MARCHF3: variants seen among roughly 807,000 people sequenced by gnomAD.
The protein encoded by MARCHF3 is E3 ubiquitin-protein ligase MARCHF3.
MARCHF3 carries 13 observed loss-of-function variants against 24.2 expected under a neutral mutation model. The ratio of observed to expected loss-of-function variants is 0.54; its 90% CI spans 0.35 to 0.85. The LOEUF is 0.85. Among genes scored for constraint, MARCHF3 ranks in the 40% least tolerant of loss-of-function variants. The probability of loss-of-function intolerance (pLI) is 0.01; values close to 1 mark genes in which losing one functional copy is unlikely to be tolerated. For synonymous variants in MARCHF3, 144 were observed against 137.3 expected, an observed-to-expected ratio of 1.05 and a Z score of -0.34; for missense variants, 276 against 325.0, an observed-to-expected ratio of 0.85 and a Z score of 1.16.
intron 3 of MARCHF3, among the ~76,000 whole-genome samples, chr5:126,885,558 G>C (rs1051553713): frequency 6.6e-6 from 1 of 151,530 alleles, no homozygotes; most frequent in African/African-American, 2.4e-5. Context: ...CAAGAGTGTT[G>C]ATTTAAAAAA....
chr5:126,887,253 G>GA (rs202183510), intron 3 of MARCHF3, among the ~76,000 whole-genome samples: 27 of 148,692 alleles, frequency 1.8e-4, no homozygotes, highest in African/African-American at 3.0e-4. Context: ...TTTTGAATGG[G>GA]AAAAAAAAAA....
intron 1 of MARCHF3, among the ~76,000 whole-genome samples, chr5:127,007,476 T>A (rs1402303283): frequency 1.3e-5 from 2 of 152,074 alleles, no homozygotes; most frequent in Non-Finnish European, 2.9e-5. Context: ...TTTCTAATGG[T>A]GGTATCTTCA....
rs1383927692 is a variant in MARCHF3, at chr5:126,869,370, A to C, written c.*1263T>G. ...CCAGCCAGCGCTCTCCTCAGAAGAC[A>C]TCCGCTCCTGCCTCGGTGCGCGCAC... On this transcript the variant is annotated 3_prime_UTR_variant, in exon 5 of 5. Coordinates refer to ENST00000308660, the MANE Select transcript of MARCHF3 (RefSeq NM_178450.5). 6.6e-6 allele frequency: 1 copy of C among 152,156 alleles called. No homozygotes were observed. Among genetic ancestry groups the C allele is most frequent in the Non-Finnish European group, 1.5e-5 (1 of 68,026 alleles). The allele number at this position is 152,156 out of a possible 1,614,324, so 9.4% of individuals were successfully genotyped here.
intron 1 of MARCHF3, among the ~76,000 whole-genome samples, chr5:127,029,492 C>T (rs1402091480): frequency 6.6e-6 from 1 of 152,146 alleles, no homozygotes; most frequent in Non-Finnish European, 1.5e-5. Context: ...GCTTTTACCC[C>T]CTTACCATTA....
chr5:126,870,481 G>T lies in MARCHF3; in HGVS notation c.*152C>A. The T allele has an allele frequency of 1.7e-6, 1 of 592,874 alleles. No homozygotes were observed. Among genetic ancestry groups the T allele is most frequent in the South Asian group, 2.8e-5 (1 of 36,254 alleles). The allele number at this position is 592,874 out of a possible 1,614,324, so 36.7% of individuals were successfully genotyped here. ...CAGCATTTGCTTTCTTCTGGCGGAG[G>T]TTGTTGCTTGGAGTGATGTGCTAAT... On this transcript the variant is annotated 3_prime_UTR_variant, in exon 5 of 5. Transcript: ENST00000308660.
At chr5:126,877,971 T>G (rs1753218055) in intron 4 of MARCHF3, among the ~76,000 whole-genome samples, 1 of 152,176 alleles carries the variant, frequency 6.6e-6, no homozygotes, top group Non-Finnish European at 1.5e-5. Context: ...AAACTTTTTC[T>G]TTATGTGATC....
chr5:127,017,765 A>G (rs1260924541), intron 1 of MARCHF3, among the ~76,000 whole-genome samples: 1 of 152,244 alleles, frequency 6.6e-6, no homozygotes, highest in Non-Finnish European at 1.5e-5. Context: ...GCTTATATCA[A>G]AGAACTTTGA....
At chr5:126,920,179 A>AT (rs1281572198) in intron 1 of MARCHF3, among the ~76,000 whole-genome samples, 1 of 152,036 alleles carries the variant, frequency 6.6e-6, no homozygotes, top group Non-Finnish European at 1.5e-5. Flanking sequence ...TCTTCTTTTT[A>AT]TTTTTTTGAA....
chr5:126,994,262 C>CTACA (rs1430930020), intron 1 of MARCHF3, among the ~76,000 whole-genome samples: 3 of 152,114 alleles, frequency 2.0e-5, no homozygotes, highest in African/African-American at 7.2e-5. Flanking sequence ...ACTCAAAAGG[C>CTACA]TACATATGAT....
intron 1 of MARCHF3, among the ~76,000 whole-genome samples, chr5:126,965,021 T>TAA (rs56350286): frequency 9.7e-4 from 98 of 101,496 alleles, no homozygotes; most frequent in African/African-American, 2.3e-3. Context: ...ATGTTCTTAG[T>TAA]AAAAAAAAAA....
intron 1 of MARCHF3, among the ~76,000 whole-genome samples, chr5:126,947,320 C>T (rs1458404686): frequency 6.6e-6 from 1 of 152,208 alleles, no homozygotes; most frequent in Admixed American, 6.5e-5. Context: ...TTCCCCCTTT[C>T]CTCCTGATAA....
chr5:127,020,434 G>T (rs756097155), intron 1 of MARCHF3, among the ~76,000 whole-genome samples: 2 of 152,192 alleles, frequency 1.3e-5, no homozygotes, highest in African/African-American at 4.8e-5. Flanking sequence ...ATCTGTTATG[G>T]TCTAAATATT....
chr5:126,878,258 C>T lies in MARCHF3; in HGVS notation c.530G>A (p.Ser177Asn), dbSNP rs1397201661. The T allele has an allele frequency of 1.2e-6, 2 of 1,614,136 alleles. No individual in the cohort carries two copies. Among genetic ancestry groups the T allele is most frequent in the Admixed American group, 1.7e-5 (1 of 60,004 alleles). ...LRGAVDHLHF[S>N]SRLEAVGLIA... Reference sequence around the variant, plus strand: ...CAGTCCGACGGCTTCCAGCCGACTACTAAAGTGCAGGTGGTCCACGGCGCC... The same window carrying T: ...CAGTCCGACGGCTTCCAGCCGACTATTAAAGTGCAGGTGGTCCACGGCGCC... The change falls in exon 4 of 5, where the codon AGT (serine) becomes AAT (asparagine). Residue 177 changes from serine (S) to asparagine (N), a missense_variant. Ser to Asn is a conservative substitution (Grantham distance 46). Transcript: ENST00000308660.
chr5:126,978,109 T>G (rs1414432905), intron 1 of MARCHF3, among the ~76,000 whole-genome samples: 1 of 152,250 alleles, frequency 6.6e-6, no homozygotes. Context: ...GAGTATTGTA[T>G]GTTGGGAATC....
At chr5:126,984,440 C>T (rs548126419) in intron 1 of MARCHF3, among the ~76,000 whole-genome samples, 40 of 152,226 alleles carry the variant, frequency 2.6e-4, no homozygotes, top group African/African-American at 8.7e-4. Flanking sequence ...CAGGAGGTCA[C>T]GTCCCACAGG....
At chr5:126,929,866 T>C (rs1023217760) in intron 1 of MARCHF3, among the ~76,000 whole-genome samples, 2 of 152,210 alleles carry the variant, frequency 1.3e-5, no homozygotes, top group Admixed American at 1.3e-4. Flanking sequence ...GATGGTTTTA[T>C]AAAGGAGAGT....
intron 3 of MARCHF3, among the ~76,000 whole-genome samples, chr5:126,914,292 A>G (rs968595474): frequency 2.0e-5 from 3 of 152,092 alleles, no homozygotes; most frequent in East Asian, 1.9e-4. Context: ...CAAGAGTTCA[A>G]TAACATTAGG....
At chr5:126,878,057 C>T (rs911279233) in intron 4 of MARCHF3, 128 bp downstream of exon 4, 27 of 835,884 alleles carry the variant, frequency 3.2e-5, no homozygotes, top group Non-Finnish European at 4.8e-5. Context: ...CTCATGCTCC[C>T]GCCAGCAATC....
At chr5:126,906,407 T>C (rs1237787733) in intron 3 of MARCHF3, among the ~76,000 whole-genome samples, 1 of 152,350 alleles carries the variant, frequency 6.6e-6, no homozygotes, top group South Asian at 2.1e-4. Context: ...AGTTCCTCCT[T>C]GTACCTCTGG....
Sources: allele counts gnomAD v4.1 joint callset (sites outside exome capture counted in the v4.1 genomes callset), GRCh38; gene constraint gnomAD v4.1.1; transcripts MANE v1.5; gene names NCBI Gene and HGNC (gene_info 2026-07-23, HGNC 2026-07-21).